The following CHM variants were observed in gnomAD, a reference collection of about 807,000 sequenced individuals.
CHM encodes the protein rab proteins geranylgeranyltransferase component A 1.
A neutral mutation model predicts 49.0 loss-of-function variants in CHM; 10 were observed. The observed-to-expected ratio is 0.20, with a 90% CI of 0.13 to 0.35. CHM has a LOEUF of 0.35. Ranked by LOEUF, CHM falls within the 10% of genes least tolerant of loss-of-function variation. CHM has a pLI of 1.00. For missense variants in CHM, 455 were observed against 478.4 expected (o/e 0.95, Z 0.46); for synonymous variants, 184 against 167.5 (o/e 1.10, Z -0.76).
chrX:85,997,941 C>T (rs1230592426), intron 2 of CHM, among the ~76,000 whole-genome samples: 1 of 109,209 alleles, frequency 9.2e-6, no homozygotes, highest in Non-Finnish European at 1.9e-5. Context: ...TAGAGCGAGA[C>T]TCCGTCTAAA....
rs770938988 is a variant in CHM at position 85,968,280 on chromosome X, T to C, written c.315-4228A>G. 2.7e-5 allele frequency among the ~76,000 whole-genome samples: 3 copies of C among 112,376 alleles called. No homozygotes were observed. In the Admixed American group the frequency reaches 2.8e-4, roughly 11 times the overall value. ...CTGCAATATGATACATTGGTAGATA[T>C]ATATTTCCCAGTTTGTTACCAACCT... is the stretch of plus-strand genomic sequence containing the variant. On this transcript the variant is annotated intron_variant, in intron 4 of 14. Transcript: ENST00000357749.
chrX:85,979,850 G>T (rs1202711532), intron 3 of CHM, among the ~76,000 whole-genome samples: 1 of 111,655 alleles, frequency 9.0e-6, no homozygotes, highest in Non-Finnish European at 1.9e-5. Context: ...TTAAACTGAA[G>T]AAAAGTAGTG....
At chrX:85,966,685 C>G (rs912081809) in intron 4 of CHM, among the ~76,000 whole-genome samples, 1 of 111,998 alleles carries the variant, frequency 8.9e-6, no homozygotes, top group Non-Finnish European at 1.9e-5. Context: ...AGTAAAAGTT[C>G]CATGCCTAAC....
At chrX:85,987,087 T>C (rs933207101) in intron 2 of CHM, among the ~76,000 whole-genome samples, 1 of 111,143 alleles carries the variant, frequency 9.0e-6, no homozygotes, top group African/African-American at 3.3e-5. Flanking sequence ...TGCACACTGG[T>C]TCTCTAAAAT....
At chrX:85,959,105 T>A in intron 5 of CHM, 128 bp from the exon 6 acceptor site, 3 of 837,849 alleles carry the variant, frequency 3.6e-6, no homozygotes, top group Non-Finnish European at 5.0e-6. Flanking sequence ...AATATTATAA[T>A]ACATAACACA....
chrX:85,870,919 G>A (rs1014240036), intron 14 of CHM, among the ~76,000 whole-genome samples: 4 of 110,900 alleles, frequency 3.6e-5, no homozygotes, highest in Non-Finnish European at 7.6e-5. Flanking sequence ...GAAAACAAGA[G>A]TGTCAAGTTT....
chrX:85,865,561 A>G (rs1198899595), intron 14 of CHM, among the ~76,000 whole-genome samples: 3 of 111,885 alleles, frequency 2.7e-5, no homozygotes, highest in Non-Finnish European at 5.6e-5. Flanking sequence ...AAAATGTGGA[A>G]GTGACTATGG....
intron 2 of CHM, among the ~76,000 whole-genome samples, chrX:85,989,743 A>AC: frequency 9.0e-6 from 1 of 111,699 alleles, no homozygotes; most frequent in Middle Eastern, 4.7e-3. Context: ...TGGAAAAAAA[A>AC]CTCAATATTA....
chrX:85,906,025 G>A (rs1926567949), intron 9 of CHM, among the ~76,000 whole-genome samples: 1 of 111,871 alleles, frequency 8.9e-6, no homozygotes, highest in African/African-American at 3.2e-5. Flanking sequence ...TTAGAACAAA[G>A]ACCCTGATTG....
chrX:85,872,930 C>A lies in CHM; in HGVS notation c.1770+122G>T, dbSNP rs542335874. 153 of 624,601 alleles carry A rather than the reference C, an allele frequency of 2.4e-4. No individual in the cohort carries two copies. In the South Asian group the frequency reaches 4.8e-3, roughly 19 times the overall value. 51.5% of individuals were successfully genotyped at this position (624,601 alleles called of 1,213,427 possible). ...TAGGTCATAGAAAAAACTTTTAGGGCAAATTACAGAAATGGTACTACTGAG... is the reference window on the plus strand; with the variant it reads ...TAGGTCATAGAAAAAACTTTTAGGGAAAATTACAGAAATGGTACTACTGAG... On this transcript the variant is annotated intron_variant, in intron 14 of 14. Coordinates refer to ENST00000357749, the MANE Select transcript of CHM (RefSeq NM_000390.4).
chrX:85,939,902 A>C lies in CHM; in HGVS notation c.1166+16251T>G, dbSNP rs768445874. Among the ~76,000 whole-genome samples the C allele has an allele frequency of 7.1e-5, 8 of 112,110 alleles. No homozygotes were observed. The South Asian group carries it at 2.6e-3, about 37-fold the overall frequency. ...CTACAGAATCAAAACATGAGTAATA[A>C]GATTCAAAGAAAGGACTGCAAGAAA... On this transcript the variant is annotated intron_variant, in intron 8 of 14. Transcript: ENST00000357749.
chrX:85,965,995 G>C (rs1480088265), intron 4 of CHM, among the ~76,000 whole-genome samples: 2 of 111,391 alleles, frequency 1.8e-5, no homozygotes, highest in African/African-American at 6.5e-5. Context: ...ACTGTTGTGA[G>C]ATAAGGAAGC....
intron 1 of CHM, among the ~76,000 whole-genome samples, chrX:86,037,476 G>A (rs769778512): frequency 9.0e-6 from 1 of 111,275 alleles, no homozygotes; most frequent in South Asian, 3.8e-4. Context: ...TGACCAAAAT[G>A]ATCTTTTCAC....
intron 2 of CHM, among the ~76,000 whole-genome samples, chrX:85,999,336 C>G (rs974638508): frequency 5.4e-5 from 6 of 111,446 alleles, no homozygotes; most frequent in Non-Finnish European, 7.5e-5. Flanking sequence ...ATTCACCAAA[C>G]ACTTGGTATA....
At position 85,956,305 on chromosome X, in the gene CHM, C is replaced by A. The variant is rs1017818218; in HGVS notation, c.1014G>T (p.Met338Ile). ...KLTPNLQYIV[M>I]HSIAMTSETA... ...TCTCTGATGTCATTGCAATTGAATG[C>A]ATGACAATATATTGGAGGTTGGGGG... Residue 338 changes from methionine (M) to isoleucine (I), a missense_variant, in exon 8 of 15, where the codon ATG (methionine) becomes ATT (isoleucine). Transcript: ENST00000357749. 1 of 1,211,248 alleles carries A rather than the reference C, an allele frequency of 8.3e-7. No homozygotes were observed.
chrX:85,996,316 C>G (rs1198643818), intron 2 of CHM, among the ~76,000 whole-genome samples: 9 of 111,756 alleles, frequency 8.1e-5, no homozygotes, highest in Non-Finnish European at 1.5e-4. Context: ...ATTTCTCACC[C>G]AATTCTACAT....
At chrX:85,980,858 T>C (rs1931552074) in intron 3 of CHM, among the ~76,000 whole-genome samples, 1 of 111,059 alleles carries the variant, frequency 9.0e-6, no homozygotes, top group Non-Finnish European at 1.9e-5. Flanking sequence ...ATTGAGATCC[T>C]ACTCTTAGAA....
chrX:85,919,369 T>C (rs1042895309), intron 8 of CHM, among the ~76,000 whole-genome samples: 2 of 111,865 alleles, frequency 1.8e-5, no homozygotes, highest in Non-Finnish European at 3.8e-5. Context: ...TTTTATGAAA[T>C]AGTATAATGT....
At chrX:85,957,706 C>A in intron 7 of CHM, 149 bp downstream of exon 7, 1 of 567,268 alleles carries the variant, frequency 1.8e-6, no homozygotes, top group Non-Finnish European at 2.6e-6. Context: ...ATTTAAATAG[C>A]TAAATGTTAC....
Sources: gnomAD v4.1 joint callset for allele counts (sites outside exome capture counted in the v4.1 genomes callset) on GRCh38, gnomAD v4.1.1 for gene constraint, MANE v1.5 for transcripts, NCBI Gene and HGNC (gene_info 2026-07-23, HGNC 2026-07-21) for gene names.